Variants in SLC24A2 observed in about 807,000 individuals in gnomAD.
The protein encoded by SLC24A2 is solute carrier family 24 member 2, also known as sodium/potassium/calcium exchanger 2.
SLC24A2 carries 36 observed loss-of-function variants against 62.0 expected under a neutral mutation model. The ratio of observed to expected loss-of-function variants is 0.58; its 90% CI spans 0.44 to 0.77. The LOEUF (loss-of-function observed/expected upper bound fraction) is 0.77. Among genes scored for constraint, SLC24A2 ranks in the 30% least tolerant of loss-of-function variants. SLC24A2 has a pLI of 0.00. For missense variants in SLC24A2, 846 were observed against 817.9 expected (o/e 1.03, Z -0.42); for synonymous variants, 358 against 294.0 (o/e 1.22, Z -2.23).
At chr9:19,859,556 C>G in the SLC24A2 span, among the ~76,000 whole-genome samples, 1 of 152,128 alleles carries the variant, frequency 6.6e-6, no homozygotes, top group African/African-American at 2.4e-5. Flanking sequence ...AAGGCTCTGC[C>G]AATTCCCCTT....
chr9:19,546,077 T>G (rs1213935823), intron 8 of SLC24A2, among the ~76,000 whole-genome samples: 2 of 152,190 alleles, frequency 1.3e-5, no homozygotes, highest in African/African-American at 2.4e-5. Flanking sequence ...CTCTGGAACC[T>G]TTGTCTCATA....
chr9:20,213,826 G>T, the SLC24A2 span, among the ~76,000 whole-genome samples: 3 of 152,174 alleles, frequency 2.0e-5, no homozygotes, highest in Non-Finnish European at 4.4e-5. Flanking sequence ...TATGTGTTCT[G>T]CTTTATACTA....
At chr9:19,557,282 C>T (rs1835141601) in intron 7 of SLC24A2, among the ~76,000 whole-genome samples, 1 of 152,154 alleles carries the variant, frequency 6.6e-6, no homozygotes, top group Non-Finnish European at 1.5e-5. Flanking sequence ...GTATAGCAAA[C>T]ATGAAGTGTA....
At chr9:20,067,928 T>G in the SLC24A2 span, among the ~76,000 whole-genome samples, 1 of 152,164 alleles carries the variant, frequency 6.6e-6, no homozygotes, top group Non-Finnish European at 1.5e-5. Flanking sequence ...GGTCAAATGG[T>G]GGCTCTAAAT....
chr9:20,057,224 T>A, the SLC24A2 span, among the ~76,000 whole-genome samples: 205 of 152,322 alleles, frequency 1.3e-3, no homozygotes, highest in African/African-American at 4.7e-3. Flanking sequence ...ATCACTTTTT[T>A]TAAAAAAGCT....
chr9:19,552,982 A>T (rs1373924552), intron 7 of SLC24A2, among the ~76,000 whole-genome samples: 1 of 152,154 alleles, frequency 6.6e-6, no homozygotes, highest in Non-Finnish European at 1.5e-5. Context: ...AGGAGAAGAG[A>T]CTATGTCTCA....
the SLC24A2 span, among the ~76,000 whole-genome samples, chr9:20,050,585 A>C: frequency 6.6e-6 from 1 of 152,216 alleles, no homozygotes; most frequent in Non-Finnish European, 1.5e-5. Flanking sequence ...TTTGAACATC[A>C]TATGACTTTA....
chr9:19,873,461 C>CT, the SLC24A2 span, among the ~76,000 whole-genome samples: 1 of 133,240 alleles, frequency 7.5e-6, no homozygotes, highest in Non-Finnish European at 1.6e-5. Context: ...TTCTTTCTTT[C>CT]TTTTTCTTTC....
At chr9:19,759,876 C>T (rs1822266196) in intron 2 of SLC24A2, among the ~76,000 whole-genome samples, 1 of 152,148 alleles carries the variant, frequency 6.6e-6, no homozygotes, top group African/African-American at 2.4e-5. Flanking sequence ...TCCATATAAA[C>T]ACCCTGCTAT....
chr9:19,918,965 G>A, the SLC24A2 span, among the ~76,000 whole-genome samples: 11 of 152,294 alleles, frequency 7.2e-5, no homozygotes, highest in African/African-American at 2.4e-4. Context: ...TGGGTCATAA[G>A]GTTTCTTCCT....
the SLC24A2 span, among the ~76,000 whole-genome samples, chr9:20,098,695 G>A: frequency 6.6e-6 from 1 of 152,178 alleles, no homozygotes; most frequent in African/African-American, 2.4e-5. Context: ...AGCATGCCAG[G>A]TTATAAGCCT....
chr9:19,828,238 G>A, the SLC24A2 span, among the ~76,000 whole-genome samples: 3 of 151,896 alleles, frequency 2.0e-5, no homozygotes, highest in Middle Eastern at 3.2e-3. Flanking sequence ...AGTGACCATC[G>A]TTTGCAATAA....
chr9:19,976,023 C>T, the SLC24A2 span, among the ~76,000 whole-genome samples: 1 of 152,110 alleles, frequency 6.6e-6, no homozygotes, highest in African/African-American at 2.4e-5. Flanking sequence ...ACCACAGGCC[C>T]GTGGCACCAC....
the SLC24A2 span, among the ~76,000 whole-genome samples, chr9:20,085,165 T>A: frequency 4.6e-5 from 7 of 152,008 alleles, no homozygotes; most frequent in Admixed American, 2.0e-4. Context: ...CCAGCTAATT[T>A]TTAAAAATAT....
chr9:19,638,831 C>A (rs912365607), intron 2 of SLC24A2, among the ~76,000 whole-genome samples: 6 of 152,100 alleles, frequency 3.9e-5, no homozygotes, highest in African/African-American at 9.7e-5. Flanking sequence ...TCCCTACAGG[C>A]ACTCAATAAA....
the SLC24A2 span, among the ~76,000 whole-genome samples, chr9:20,048,296 T>C: frequency 6.6e-6 from 1 of 152,226 alleles, no homozygotes; most frequent in South Asian, 2.1e-4. Flanking sequence ...AGTTTATCTC[T>C]TTTCAATATA....
chr9:19,827,377 T>G, the SLC24A2 span, among the ~76,000 whole-genome samples: 1 of 152,282 alleles, frequency 6.6e-6, no homozygotes, highest in East Asian at 1.9e-4. Context: ...GCAGGGGTGC[T>G]TTCTTCCTGA....
chr9:19,803,052 T>G, the SLC24A2 span, among the ~76,000 whole-genome samples: 9 of 152,212 alleles, frequency 5.9e-5, no homozygotes, highest in Admixed American at 3.9e-4. Context: ...GTTGACACTT[T>G]GATCTTGGAC....
the SLC24A2 span, among the ~76,000 whole-genome samples, chr9:20,214,019 T>C: frequency 1.2e-4 from 18 of 152,208 alleles, no homozygotes; most frequent in South Asian, 2.1e-4. Context: ...TGTCCATCCA[T>C]ATTGTCGTGA....
Sources: allele counts gnomAD v4.1 joint callset (sites outside exome capture counted in the v4.1 genomes callset), GRCh38; gene constraint gnomAD v4.1.1; transcripts MANE v1.5; gene names NCBI Gene and HGNC (gene_info 2026-07-23, HGNC 2026-07-21).